The following TEKT5 variants were observed in gnomAD, a reference collection of about 807,000 sequenced individuals.
The protein encoded by TEKT5 is tektin 5.
Under a neutral mutation model 48.7 loss-of-function variants are expected in TEKT5, and 52 were observed. The observed-to-expected ratio is 1.07, with a 90% CI of 0.86 to 1.35. The LOEUF (loss-of-function observed/expected upper bound fraction) is 1.35. TEKT5 is among the 40% of genes most tolerant of loss of function. TEKT5 has a pLI of 0.00. For missense variants in TEKT5, 831 were observed against 641.6 expected (o/e 1.30, Z -3.19); for synonymous variants, 318 against 267.6 (o/e 1.19, Z -1.84).
At chr16:10,677,196 A>C (rs11643277) in intron 4 of TEKT5, among the ~76,000 whole-genome samples, 5,315 of 149,370 alleles carry the variant, frequency 0.036, 150 homozygotes, top group Non-Finnish European at 0.054. Context: ...GTCTCAAAAG[A>C]AGCAGCAGCA....
intron 5 of TEKT5, among the ~76,000 whole-genome samples, chr16:10,659,654 C>T (rs184710885): frequency 1.3e-4 from 20 of 152,338 alleles, no homozygotes; most frequent in Admixed American, 9.8e-4. Context: ...AGCCACCACA[C>T]CTGGCAATAC....
intron 5 of TEKT5, among the ~76,000 whole-genome samples, chr16:10,656,867 AG>A (rs1343875433): frequency 6.6e-6 from 1 of 151,986 alleles, no homozygotes; most frequent in African/African-American, 2.4e-5. Flanking sequence ...CCACCTCCTG[AG>A]TAGCTGGGAC....
chr16:10,643,248 T>C (rs1342497121), intron 5 of TEKT5, among the ~76,000 whole-genome samples: 2 of 151,866 alleles, frequency 1.3e-5, no homozygotes, highest in Admixed American at 6.6e-5. Context: ...GCCTGGTAGC[T>C]GATGTCTATA....
At chr16:10,647,515 T>C (rs1217790090) in intron 5 of TEKT5, among the ~76,000 whole-genome samples, 2 of 149,248 alleles carry the variant, frequency 1.3e-5, no homozygotes, top group East Asian at 3.9e-4. Flanking sequence ...GTACGCGCCT[T>C]CCTGGCCCCA....
Position 10,689,428 on chromosome 16 carries a change from C to T in TEKT5, c.649-105G>A, listed in dbSNP as rs1207534116. On this transcript the variant is annotated intron_variant, in intron 2 of 6. Transcript: ENST00000283025. Reference sequence around the variant, plus strand: ...CCCCTCCCCTCTCACTGACCACCCTCGACCCCAGGAGGTGAAATGTCAGCG... The same window carrying T: ...CCCCTCCCCTCTCACTGACCACCCTTGACCCCAGGAGGTGAAATGTCAGCG... 37 of 984,172 alleles carry T rather than the reference C, an allele frequency of 3.8e-5. No homozygotes were observed. In the South Asian group the frequency reaches 4.2e-4, roughly 11 times the overall value. The allele number at this position is 984,172 out of a possible 1,614,324, so 61.0% of individuals were successfully genotyped here. A position where few individuals can be genotyped will look rare whatever the true frequency, so the allele number is the denominator to read the frequency against.
In TEKT5 at chr16:10,694,339, C is replaced by G; in HGVS notation, c.535G>C (p.Ala179Pro). The change falls in exon 1 of 7, where the codon GCG becomes CCG. Residue 179 changes from alanine (A) to proline (P), a missense_variant. Physicochemically the swap from Ala to Pro is conservative, Grantham distance 27. Transcript: ENST00000283025. ...AATGGGCAGTTCACCTCATTGGCCG[C>G]GCACTCCAGCCGCCTCTTGACCGTC... ...LETVKRRLEC[A>P]ANEVNCPLQV... 5 of 1,608,202 alleles carry G rather than the reference C, an allele frequency of 3.1e-6. No individual in the cohort carries two copies. Among genetic ancestry groups the G allele is most frequent in the Non-Finnish European group, 4.2e-6 (5 of 1,176,922 alleles).
chr16:10,635,550 C>T (rs949230803), intron 6 of TEKT5, among the ~76,000 whole-genome samples: 1 of 152,134 alleles, frequency 6.6e-6, no homozygotes, highest in African/African-American at 2.4e-5. Flanking sequence ...GGGTGGGGCT[C>T]CCAGTGATGA....
At chr16:10,693,713 T>C (rs945056609) in intron 1 of TEKT5, among the ~76,000 whole-genome samples, 2 of 152,234 alleles carry the variant, frequency 1.3e-5, no homozygotes, top group African/African-American at 4.8e-5. Context: ...CCAGGCACAG[T>C]GGCCCATGCC....
At chr16:10,644,959 C>T (rs1249435943) in intron 5 of TEKT5, among the ~76,000 whole-genome samples, 1 of 152,094 alleles carries the variant, frequency 6.6e-6, no homozygotes, top group African/African-American at 2.4e-5. Flanking sequence ...GGGATTAGTG[C>T]CTTTATAAGA....
At chr16:10,664,305 A>G (rs1248639423) in intron 5 of TEKT5, among the ~76,000 whole-genome samples, 1 of 152,118 alleles carries the variant, frequency 6.6e-6, no homozygotes, top group Non-Finnish European at 1.5e-5. Context: ...AACAACAGAT[A>G]ATTGTTGCAT....
intron 5 of TEKT5, among the ~76,000 whole-genome samples, chr16:10,645,998 T>C (rs189313321): frequency 6.6e-6 from 1 of 151,962 alleles, no homozygotes; most frequent in African/African-American, 2.4e-5. Context: ...GCCAGGCATA[T>C]AGTGCACATC....
At position 10,677,276 on chromosome 16, in the gene TEKT5, T is replaced by C. The variant is rs1001437479; in HGVS notation, c.864-1095A>G. On this transcript the variant is annotated intron_variant, in intron 4 of 6. Transcript: ENST00000283025. Reference sequence around the variant, plus strand: ...GGTCAGGGTTGTAAACGGGAATAGATGGAATACTCGGAAGGGTGTTGAGAT... The same window carrying C: ...GGTCAGGGTTGTAAACGGGAATAGACGGAATACTCGGAAGGGTGTTGAGAT... 2.0e-5 allele frequency among the ~76,000 whole-genome samples: 3 copies of C among 148,492 alleles called. 1 individual carries two copies. Among genetic ancestry groups the C allele is most frequent in the African/African-American group, 7.8e-5 (3 of 38,412 alleles).
rs145860970 is a variant in TEKT5 at position 10,690,865 on chromosome 16, G to A, written c.565-840C>T. 8.3e-6 allele frequency: 7 copies of A among 839,922 alleles called. No individual in the cohort carries two copies. The African/African-American group carries it at 1.1e-4, about 13-fold the overall frequency. The allele number at this position is 839,922 out of a possible 1,614,324, so 52.0% of individuals were successfully genotyped here. A position where few individuals can be genotyped will look rare whatever the true frequency, so the allele number is the denominator to read the frequency against. ...CAGGATGTCAAGGTCTGGATGTCAG[G>A]ATGCAAATGTATGTGAGAACTCAGA... On this transcript the variant is annotated intron_variant, in intron 1 of 6. Transcript: ENST00000283025.
At chr16:10,663,832 C>T (rs892718236) in intron 5 of TEKT5, among the ~76,000 whole-genome samples, 2 of 152,188 alleles carry the variant, frequency 1.3e-5, no homozygotes, top group Middle Eastern at 3.2e-3. Flanking sequence ...GCAAATTCAC[C>T]CTGGTTGGGA....
chr16:10,676,633 C>A (rs148847107), intron 4 of TEKT5, among the ~76,000 whole-genome samples: 1 of 152,188 alleles, frequency 6.6e-6, no homozygotes, highest in Non-Finnish European at 1.5e-5. Context: ...AAGAAGCAGG[C>A]TTTGGGCCTG....
intron 1 of TEKT5, chr16:10,691,400 G>A (rs1596423799): frequency 6.6e-6 from 1 of 152,518 alleles, no homozygotes; most frequent in South Asian, 2.1e-4. Flanking sequence ...TCAGGGTGAG[G>A]TGAGTGGGTG....
rs1359741591 is a variant in TEKT5, at chr16:10,664,319, TAC to T, written c.1086+11638_1086+11639del. ...GAACAACAGATAATTGTTGCATGTC[TAC>T]ACCTGGAAGATATACCTAGCGGGCT... On this transcript the variant is annotated intron_variant, in intron 5 of 6. Coordinates refer to ENST00000283025, the MANE Select transcript of TEKT5 (RefSeq NM_144674.2). 1.3e-5 allele frequency among the ~76,000 whole-genome samples: 2 copies of T among 152,184 alleles called. 1 individual carries two copies. Among genetic ancestry groups the T allele is most frequent in the Non-Finnish European group, 2.9e-5 (2 of 68,036 alleles).
chr16:10,686,654 G>C (rs188235573), intron 3 of TEKT5, among the ~76,000 whole-genome samples: 40 of 152,226 alleles, frequency 2.6e-4, no homozygotes, highest in African/African-American at 9.6e-4. Context: ...ACAAACAAGA[G>C]ACTGAAGAGA....
intron 5 of TEKT5, among the ~76,000 whole-genome samples, chr16:10,646,435 A>G (rs1374194809): frequency 6.6e-6 from 1 of 152,214 alleles, no homozygotes; most frequent in Admixed American, 6.5e-5. Context: ...TGGGATTGCA[A>G]GTATAACACC....
Sources: gnomAD v4.1 joint callset for allele counts (sites outside exome capture counted in the v4.1 genomes callset) on GRCh38, gnomAD v4.1.1 for gene constraint, MANE v1.5 for transcripts, NCBI Gene and HGNC (gene_info 2026-07-23, HGNC 2026-07-21) for gene names.